Variants in FNIP1 observed in about 807,000 individuals in gnomAD.
FNIP1 encodes the protein folliculin-interacting protein 1.
In FNIP1, 40 loss-of-function variants were observed where a neutral mutation model predicts 124.5. The ratio of observed to expected loss-of-function variants is 0.32; its 90% CI spans 0.25 to 0.42. FNIP1 has a LOEUF of 0.42. FNIP1 is among the 10% of genes least tolerant of loss of function. The pLI, the probability that FNIP1 is intolerant of heterozygous loss-of-function variation, is 1.00. For missense variants in FNIP1, 1,176 were observed against 1,403.7 expected (o/e 0.84, Z 2.59); for synonymous variants, 472 against 470.6 (o/e 1.00, Z -0.04).
intron 15 of FNIP1, among the ~76,000 whole-genome samples, chr5:131,657,672 T>C (rs1767237772): frequency 6.8e-6 from 1 of 146,458 alleles, no homozygotes; most frequent in Non-Finnish European, 1.5e-5. Flanking sequence ...TGTGTCCAGA[T>C]GTTGCACACA....
intron 6 of FNIP1, among the ~76,000 whole-genome samples, chr5:131,714,184 T>C (rs1298434866): frequency 6.6e-6 from 1 of 152,240 alleles, no homozygotes; most frequent in Non-Finnish European, 1.5e-5. Flanking sequence ...GGGACACTTC[T>C]GACAACCAAC....
chr5:131,785,333 C>G (rs1257057095), intron 1 of FNIP1, among the ~76,000 whole-genome samples: 1 of 151,418 alleles, frequency 6.6e-6, no homozygotes, highest in African/African-American at 2.4e-5. Context: ...GGCAGGTGGA[C>G]TGCTTGAGGT....
intron 1 of FNIP1, among the ~76,000 whole-genome samples, chr5:131,761,762 T>A (rs1771239494): frequency 6.6e-6 from 1 of 150,514 alleles, no homozygotes; most frequent in Admixed American, 6.6e-5. Flanking sequence ...AAAAAAAAAA[T>A]CCTTAAATTC....
chr5:131,683,223 G>A (rs1425895992), intron 11 of FNIP1, among the ~76,000 whole-genome samples: 4 of 151,896 alleles, frequency 2.6e-5, no homozygotes, highest in Non-Finnish European at 5.9e-5. Context: ...AAAATCTGTG[G>A]ATGCTCAAAT....
chr5:131,706,390 G>T lies in FNIP1; in HGVS notation c.914+21C>A. On this transcript the variant is annotated intron_variant, in intron 9 of 17. Transcript: ENST00000510461. ...TTAAGGAACTACTCAATCTTGTTCTGTGTTTAAAGTTCCAACTTACCATCT... is the reference window on the plus strand; with the variant it reads ...TTAAGGAACTACTCAATCTTGTTCTTTGTTTAAAGTTCCAACTTACCATCT... 2.5e-6 allele frequency: 4 copies of T among 1,599,366 alleles called. No homozygotes were observed. The East Asian group carries it at 9.0e-5, about 36-fold the overall frequency.
At chr5:131,658,575 G>A (rs1268817196) in intron 15 of FNIP1, among the ~76,000 whole-genome samples, 1 of 151,944 alleles carries the variant, frequency 6.6e-6, no homozygotes, top group Non-Finnish European at 1.5e-5. Flanking sequence ...GGCCACAAAG[G>A]CTGATCATTC....
At chr5:131,669,128 A>G (rs566347773) in intron 15 of FNIP1, among the ~76,000 whole-genome samples, 44 of 152,376 alleles carry the variant, frequency 2.9e-4, no homozygotes, top group African/African-American at 1.0e-3. Flanking sequence ...ATAAATTCCT[A>G]AAAGACAAAA....
chr5:131,658,907 CAAAAAAA>C (rs70974003), intron 15 of FNIP1, among the ~76,000 whole-genome samples: 188 of 41,164 alleles, frequency 4.6e-3, no homozygotes, highest in African/African-American at 0.014. Context: ...TGGGTCTAGC[CAAAAAAA>C]AAAAAAAAAA....
At chr5:131,693,048 G>A (rs1768535043) in intron 11 of FNIP1, among the ~76,000 whole-genome samples, 2 of 150,188 alleles carry the variant, frequency 1.3e-5, no homozygotes, top group African/African-American at 4.9e-5. Context: ...GGGCTCCAGA[G>A]AGCTATTACA....
chr5:131,665,526 A>C (rs1767572326), intron 15 of FNIP1, among the ~76,000 whole-genome samples: 1 of 151,492 alleles, frequency 6.6e-6, no homozygotes, highest in East Asian at 1.9e-4. Context: ...TCACATAAAA[A>C]AATTTCATGT....
At position 131,643,956 on chromosome 5, in the gene FNIP1, T is replaced by C. The variant is rs1766794557; in HGVS notation, c.*729A>G. The C allele has an allele frequency of 6.6e-6, 1 of 152,538 alleles. No homozygotes were observed. Among genetic ancestry groups the C allele is most frequent in the African/African-American group, 2.4e-5 (1 of 41,424 alleles). 9.4% of individuals were successfully genotyped at this position (152,538 alleles called of 1,614,324 possible). ...GGGAATCTCAGCCTTAAAAAAAAGG[T>C]TGGCTTTACTTATATTTTAGAGTGT... is the stretch of plus-strand genomic sequence containing the variant. On this transcript the variant is annotated 3_prime_UTR_variant, in exon 18 of 18. Transcript: ENST00000510461.
Position 131,704,111 on chromosome 5 carries a change from G to A in FNIP1, c.1070C>T (p.Pro357Leu). 1 of 1,612,508 alleles carries A rather than the reference G, an allele frequency of 6.2e-7. No homozygotes were observed. The highest frequency in any genetic ancestry group is 8.5e-7 in the Non-Finnish European group (1 of 1,178,900). The part of the protein sequence containing the change: ...KFNEFFFSHF[P>L]LFESHMNKLK... Reference sequence around the variant, plus strand: ...TTTGTTCATGTGGCTTTCAAAGAGAGGAAAATGTGAAAAAAAGAATTCATT... The same window carrying A: ...TTTGTTCATGTGGCTTTCAAAGAGAAGAAAATGTGAAAAAAAGAATTCATT... The change falls in exon 10 of 18, where the codon CCT becomes CTT. Residue 357 changes from proline (P) to leucine (L), a missense_variant. Pro to Leu is a moderately conservative substitution (Grantham distance 98). Around this residue, in one of 2 missense-constraint regions of FNIP1, gnomAD observed 1,109 missense variants for 1,288.5 expected, o/e 0.86. Transcript: ENST00000510461.
chr5:131,786,718 G>A (rs1434527021), intron 1 of FNIP1, among the ~76,000 whole-genome samples: 1 of 152,206 alleles, frequency 6.6e-6, no homozygotes, highest in Non-Finnish European at 1.5e-5. Context: ...GAGTGGGTTT[G>A]TTATAAAAGT....
rs372551859 is a variant in FNIP1 at position 131,706,516 on chromosome 5, A to C, written c.809T>G (p.Phe270Cys). Residue 270 changes from phenylalanine (F) to cysteine (C), a missense_variant, in exon 9 of 18, where the codon TTT becomes TGT. Around this residue, in one of 2 missense-constraint regions of FNIP1, gnomAD observed 1,109 missense variants for 1,288.5 expected, o/e 0.86. Coordinates refer to ENST00000510461, the MANE Select transcript of FNIP1 (RefSeq NM_133372.3). Reference protein sequence around the residue: ...ASLSSLLITPFPSPNSSLTRS... With the variant: ...ASLSSLLITPCPSPNSSLTRS... The stretch of plus-strand genomic sequence containing the variant: ...GGTAAGTGAGGAGTTTGGGGAAGGA[A>C]ATGGAGTGATCAGCAAGCTGCTGAG... 271 of 1,611,406 alleles carry C rather than the reference A, an allele frequency of 1.7e-4. No homozygotes were observed. Among genetic ancestry groups the C allele is most frequent in the Non-Finnish European group, 2.2e-4 (256 of 1,178,746 alleles).
At chr5:131,656,279 T>C (rs1767190374) in intron 15 of FNIP1, among the ~76,000 whole-genome samples, 1 of 152,156 alleles carries the variant, frequency 6.6e-6, no homozygotes, top group African/African-American at 2.4e-5. Context: ...ATATGGACCA[T>C]AGATTAAGTA....
rs574738092 is a variant in FNIP1, at chr5:131,770,701, T to C, written c.93-26011A>G. Among the ~76,000 whole-genome samples the C allele has an allele frequency of 1.3e-3, 195 of 152,318 alleles. 2 individuals carry two copies. The highest frequency in any genetic ancestry group is 2.0e-3 in the Non-Finnish European group (138 of 68,018). The stretch of plus-strand genomic sequence containing the variant: ...TTAACTTCTCTAGTCCTCAATTACT[T>C]GTCTATAAAGTAAGACTACCTCTAA... On this transcript the variant is annotated intron_variant, in intron 1 of 17. Transcript: ENST00000510461.
chr5:131,743,863 G>A (rs140317490), intron 2 of FNIP1, among the ~76,000 whole-genome samples: 11 of 152,094 alleles, frequency 7.2e-5, no homozygotes, highest in Non-Finnish European at 1.5e-5. Context: ...TTTTGTTATA[G>A]TAGCCTGAAC....
At chr5:131,795,047 C>T (rs1050153457) in intron 1 of FNIP1, among the ~76,000 whole-genome samples, 2 of 152,190 alleles carry the variant, frequency 1.3e-5, no homozygotes, top group Non-Finnish European at 2.9e-5. Context: ...TTGATTAGAT[C>T]TGTAAGTTAT....
intron 6 of FNIP1, among the ~76,000 whole-genome samples, chr5:131,715,711 T>C (rs1769445962): frequency 6.6e-6 from 1 of 152,134 alleles, no homozygotes; most frequent in Non-Finnish European, 1.5e-5. Context: ...ACACTATGAC[T>C]AGCCCACAGT....
Sources: allele counts gnomAD v4.1 joint callset (sites outside exome capture counted in the v4.1 genomes callset), GRCh38; gene constraint gnomAD v4.1.1; regional missense constraint gnomAD v4.1.1; transcripts MANE v1.5; gene names NCBI Gene and HGNC (gene_info 2026-07-23, HGNC 2026-07-21).